DLG2: variants seen among roughly 807,000 people sequenced by gnomAD.
DLG2 encodes the protein disks large homolog 2.
Under a neutral mutation model 132.5 loss-of-function variants are expected in DLG2, and 45 were observed. That is an observed-to-expected ratio of 0.34 (90% CI 0.27 to 0.44). DLG2 has a LOEUF of 0.44. DLG2 is among the 20% of genes least tolerant of loss of function. DLG2 has a pLI of 1.00. For synonymous variants in DLG2, 424 were observed against 419.6 expected, an observed-to-expected ratio of 1.01 and a Z score of -0.13; for missense variants, 1,045 against 1,196.9, an observed-to-expected ratio of 0.87 and a Z score of 1.87.
intron 19 of DLG2, among the ~76,000 whole-genome samples, chr11:83,571,954 TAAGTAA>T (rs2096803606): frequency 6.6e-6 from 1 of 152,066 alleles, no homozygotes; most frequent in Non-Finnish European, 1.5e-5. Flanking sequence ...AATATAATGC[TAAGTAA>T]AAGAAGACAG....
chr11:83,539,740 C>G (rs1592752841), intron 20 of DLG2, among the ~76,000 whole-genome samples: 2 of 152,064 alleles, frequency 1.3e-5, no homozygotes, highest in South Asian at 4.1e-4. Context: ...AGTCACTAAT[C>G]AAACTTATTT....
rs182802249 is a variant in DLG2 at position 85,093,902 on chromosome 11, G to C, written c.357+17759C>G. On this transcript the variant is annotated intron_variant, in intron 6 of 27. Coordinates refer to ENST00000376104, the MANE Select transcript of DLG2 (RefSeq NM_001142699.3). The stretch of plus-strand genomic sequence containing the variant: ...ACTAATTCCACCCCTTATCAACTTG[G>C]GATCCATTGCATCTCAAACCATACT... Among the ~76,000 whole-genome samples, 375 of 152,078 alleles carry C rather than the reference G, an allele frequency of 2.5e-3. 2 individuals carry two copies. The highest frequency in any genetic ancestry group is 8.8e-3 in the African/African-American group (365 of 41,468).
At chr11:85,490,185 C>T (rs868199466) in intron 3 of DLG2, among the ~76,000 whole-genome samples, 1 of 152,024 alleles carries the variant, frequency 6.6e-6, no homozygotes, top group Admixed American at 6.6e-5. Context: ...AAAATCCTCT[C>T]TCTAAAGAAA....
chr11:84,769,717 T>C (rs2068966817), intron 6 of DLG2, among the ~76,000 whole-genome samples: 1 of 152,148 alleles, frequency 6.6e-6, no homozygotes, highest in Non-Finnish European at 1.5e-5. Flanking sequence ...AAAAAATCTT[T>C]AGGCAGCTAG....
In DLG2 at chr11:84,923,208, G is replaced by A; in HGVS notation, c.357+188453C>T. On this transcript the variant is annotated intron_variant, in intron 6 of 27. Transcript: ENST00000376104. ...ACGATCCTGGGCATGTGCTACTAAA[G>A]AGCATCCGTTCCCTCTGTCAGTTTG... 6 of 1,597,146 alleles carry A rather than the reference G, an allele frequency of 3.8e-6. No homozygotes were observed. In the South Asian group the frequency reaches 4.5e-5, roughly 12 times the overall value.
At chr11:85,042,201 A>G (rs1039326528) in intron 6 of DLG2, among the ~76,000 whole-genome samples, 1 of 151,986 alleles carries the variant, frequency 6.6e-6, no homozygotes, top group Non-Finnish European at 1.5e-5. Context: ...CGCAAAAGAG[A>G]TCTATATGTC....
rs760948364 is a variant in DLG2, at chr11:83,541,803, T to G, written c.1996A>C (p.Ser666Arg). The change falls in exon 20 of 28, where the codon AGT becomes CGT. Residue 666 changes from serine (S) to arginine (R), a missense_variant. Transcript: ENST00000376104. Reference protein sequence around the residue: ...KDSGLPSQGLSFKYGDILHVI... With the variant: ...KDSGLPSQGLRFKYGDILHVI... Reference sequence around the variant, plus strand: ...TGGAGAATATCTCCATATTTAAAACTAAGTCCTTGACTTGGCAGCCCACTG... The same window carrying G: ...TGGAGAATATCTCCATATTTAAAACGAAGTCCTTGACTTGGCAGCCCACTG... 7 of 1,613,342 alleles carry G rather than the reference T, an allele frequency of 4.3e-6. No individual in the cohort carries two copies. Among genetic ancestry groups the G allele is most frequent in the Non-Finnish European group, 5.9e-6 (7 of 1,179,534 alleles).
intron 7 of DLG2, among the ~76,000 whole-genome samples, chr11:84,461,204 A>G (rs1419284651): frequency 6.6e-6 from 1 of 150,882 alleles, no homozygotes; most frequent in Admixed American, 6.6e-5. Context: ...AGCCTATACC[A>G]TGTGCCACTA....
At chr11:84,821,553 A>G (rs938315709) in intron 6 of DLG2, among the ~76,000 whole-genome samples, 1 of 151,066 alleles carries the variant, frequency 6.6e-6, no homozygotes, top group Admixed American at 6.6e-5. Flanking sequence ...TCTAGCCTAC[A>G]GAGTGTACAA....
chr11:84,037,102 G>A (rs2095886244), intron 11 of DLG2, among the ~76,000 whole-genome samples: 1 of 152,088 alleles, frequency 6.6e-6, no homozygotes, highest in African/African-American at 2.4e-5. Context: ...GAAGCAGCGA[G>A]GAGATCCATG....
intron 6 of DLG2, among the ~76,000 whole-genome samples, chr11:84,566,209 C>T (rs1425199401): frequency 6.6e-6 from 1 of 152,016 alleles, no homozygotes; most frequent in Non-Finnish European, 1.5e-5. Context: ...TTGATCCACC[C>T]TCCTCGGCAT....
chr11:84,000,057 C>T (rs181436662), intron 11 of DLG2, among the ~76,000 whole-genome samples: 2 of 151,708 alleles, frequency 1.3e-5, no homozygotes, highest in African/African-American at 2.4e-5. Flanking sequence ...TAAAAGAATT[C>T]ATATTATCAA....
chr11:84,840,395 G>A (rs908316954), intron 6 of DLG2, among the ~76,000 whole-genome samples: 1 of 152,100 alleles, frequency 6.6e-6, no homozygotes, highest in Non-Finnish European at 1.5e-5. Flanking sequence ...GTTGATGGTA[G>A]TGTAAACTAG....
At chr11:84,761,271 C>G (rs948446337) in intron 6 of DLG2, among the ~76,000 whole-genome samples, 1 of 152,230 alleles carries the variant, frequency 6.6e-6, no homozygotes, top group Non-Finnish European at 1.5e-5. Flanking sequence ...TTACTCCAGA[C>G]TATTGGTAAA....
chr11:85,011,574 C>T (rs1040818786), intron 6 of DLG2, among the ~76,000 whole-genome samples: 6 of 152,124 alleles, frequency 3.9e-5, no homozygotes, highest in Non-Finnish European at 5.9e-5. Context: ...GACTGTATGA[C>T]CTTAAATTAC....
chr11:84,856,955 G>C (rs143385242), intron 6 of DLG2, among the ~76,000 whole-genome samples: 1 of 152,082 alleles, frequency 6.6e-6, no homozygotes, highest in East Asian at 1.9e-4. Context: ...AGTATGTTTT[G>C]TCACAAGCCA....
chr11:84,489,426 C>G (rs533933560), intron 7 of DLG2, among the ~76,000 whole-genome samples: 1 of 152,116 alleles, frequency 6.6e-6, no homozygotes, highest in African/African-American at 2.4e-5. Flanking sequence ...TCCCACTAAA[C>G]ACTCCATTCC....
chr11:84,581,406 C>T (rs1025522656), intron 6 of DLG2, among the ~76,000 whole-genome samples: 4 of 151,936 alleles, frequency 2.6e-5, no homozygotes, highest in Admixed American at 2.6e-4. Context: ...TCCAGCATTA[C>T]GACTATATAT....
chr11:85,089,748 A>C (rs548271389), intron 6 of DLG2, among the ~76,000 whole-genome samples: 2 of 152,274 alleles, frequency 1.3e-5, no homozygotes, highest in South Asian at 2.1e-4. Context: ...TCACATCAAC[A>C]GTGAAAATGG....
Sources: allele counts gnomAD v4.1 joint callset (sites outside exome capture counted in the v4.1 genomes callset), GRCh38; gene constraint gnomAD v4.1.1; transcripts MANE v1.5; gene names NCBI Gene and HGNC (gene_info 2026-07-23, HGNC 2026-07-21).